The following ATG2A variants were observed in gnomAD, a reference collection of about 807,000 sequenced individuals.
ATG2A encodes autophagy-related protein 2 homolog A.
ATG2A carries 103 observed loss-of-function variants against 214.2 expected under a neutral mutation model. The observed-to-expected ratio is 0.48, with a 90% confidence interval of 0.41 to 0.57. ATG2A has a LOEUF of 0.57. Ranked by LOEUF, ATG2A falls within the 20% of genes least tolerant of loss-of-function variation. The probability of loss-of-function intolerance (pLI) is 0.00; values close to 1 mark genes in which losing one functional copy is unlikely to be tolerated. For missense variants in ATG2A, 2,312 were observed against 2,613.2 expected, an observed-to-expected ratio of 0.88 and a Z score of 2.51; for synonymous variants, 1,160 against 1,142.1, an observed-to-expected ratio of 1.02 and a Z score of -0.32.
intron 29 of ATG2A, 23 bp downstream of exon 29, chr11:64,901,939 G>A: frequency 6.2e-7 from 1 of 1,608,866 alleles, no homozygotes; most frequent in Non-Finnish European, 8.5e-7. Context: ...ACGGCAAACT[G>A]GTCCATCCCT....
chr11:64,897,380 C>A, intron 37 of ATG2A, 32 bp downstream of exon 37: 1 of 1,552,158 alleles, frequency 6.4e-7, no homozygotes, highest in Non-Finnish European at 8.7e-7. Context: ...GATCAGGGAC[C>A]CTGGAGAGAG....
Position 64,897,972 on chromosome 11 carries a change from G to C in ATG2A, c.4861C>G (p.Arg1621Gly). The C allele has an allele frequency of 6.4e-7, 1 of 1,555,808 alleles. No individual in the cohort carries two copies. Among genetic ancestry groups the C allele is most frequent in the Non-Finnish European group, 8.7e-7 (1 of 1,154,116 alleles). ...VVPGETSAEA[R>G]PETRAQPSSP... ...CTGGGCTGGGCTCGAGTCTCGGGGC[G>C]AGCTAGGGGAGGGGAGGTCACAGAC... Residue 1621 changes from arginine to glycine, a missense_variant and splice_region_variant, in exon 35 of 41, where the codon CGC becomes GGC. Transcript: ENST00000377264.
intron 16 of ATG2A, 104 bp downstream of exon 16, chr11:64,908,887 G>A: frequency 1.5e-6 from 2 of 1,346,648 alleles, no homozygotes; most frequent in Non-Finnish European, 2.0e-6. Context: ...CCCACCCCAG[G>A]TGGTCGTGCT....
chr11:64,907,487 G>A (rs774365862), intron 18 of ATG2A, 38 bp downstream of exon 18: 73 of 1,611,388 alleles, frequency 4.5e-5, no homozygotes, highest in Non-Finnish European at 5.6e-5. Context: ...CCAGACCTGG[G>A]GGTCCTCCCT....
In ATG2A at chr11:64,907,976, GTCGTTCA is replaced by G. The variant is rs953058956; in HGVS notation, c.2365-93_2365-87del. 2.3e-5 allele frequency: 33 copies of G among 1,460,112 alleles called. No homozygotes were observed. In the African/African-American group the frequency reaches 3.8e-4, roughly 17 times the overall value. The allele number at this position is 1,460,112 out of a possible 1,614,324, so 90.4% of individuals were successfully genotyped here. A position where few individuals can be genotyped will look rare whatever the true frequency, so the allele number is the denominator to read the frequency against. On this transcript the variant is annotated intron_variant, in intron 16 of 40. Transcript: ENST00000377264. ...TCTCTGGTCTCAGTCCTGCCCTCCT[GTCGTTCA>G]TCATTCATTCATTCATAGGAGCCCT...
In ATG2A at chr11:64,903,626, C is replaced by G; in HGVS notation, c.3499G>C (p.Asp1167His). Residue 1167 changes from aspartate to histidine, a missense_variant, in exon 25 of 41, where the codon GAC becomes CAC. Asp to His is a moderately conservative substitution (Grantham distance 81). Transcript: ENST00000377264. The surrounding 1 kb of genome is among the most constrained non-coding windows in gnomAD (Gnocchi z 4.2). ...TCCAGGGTCTCCACCTCACACTTGT[C>G]GGACAGGTACAAGGCGGAGTCATCG... The part of the protein sequence containing the change: ...ILDDSALYLS[D>H]KCEVETLDLR... 6.5e-7 allele frequency: 1 copy of G among 1,550,062 alleles called. No homozygotes were observed. Among genetic ancestry groups the G allele is most frequent in the Admixed American group, 2.0e-5 (1 of 50,988 alleles).
At chr11:64,912,533 A>G (rs1446041456) in intron 6 of ATG2A, 110 bp from the exon 7 acceptor site, 12 of 877,208 alleles carry the variant, frequency 1.4e-5, no homozygotes, top group Non-Finnish European at 1.9e-5. Flanking sequence ...CTACCAAACT[A>G]AACTCTGTTA....
rs755186237 is a variant in ATG2A, at chr11:64,905,618, C to T, written c.3409G>A (p.Glu1137Lys). Residue 1137 changes from glutamate (E) to lysine (K), a missense_variant, in exon 24 of 41, where the codon GAG becomes AAG. Glu to Lys is a moderately conservative substitution (Grantham distance 56, BLOSUM62 1). Transcript: ENST00000377264. ...ATGTTGCTGGAGAGAGTGAAGGTCT[C>T]CGCGGTGATGAGGACACGCACTGGG... ...YLPVRVLITAETFTLSSNIIM... is the reference protein window; with the variant it reads ...YLPVRVLITAKTFTLSSNIIM... 2.5e-6 allele frequency: 4 copies of T among 1,613,616 alleles called. No individual in the cohort carries two copies. Among genetic ancestry groups the T allele is most frequent in the South Asian group, 2.2e-5 (2 of 91,006 alleles).
chr11:64,909,775 C>T lies in ATG2A; in HGVS notation c.2013G>A (p.Leu671=). The change falls in exon 14 of 41, where the codon CTG becomes CTA. Residue 671 remains leucine (L), a synonymous_variant. Transcript: ENST00000377264. ...GQAVRAEQLR[L]ELSEPQFRSE... Reference sequence around the variant, plus strand: ...ACCGGAACTGGGGCTCACTCAGCTCCAGCCGAAGCTGCTCAGCCCGCACGG... The same window carrying T: ...ACCGGAACTGGGGCTCACTCAGCTCTAGCCGAAGCTGCTCAGCCCGCACGG... 2 of 1,612,760 alleles carry T rather than the reference C, an allele frequency of 1.2e-6. No homozygotes were observed. The highest frequency in any genetic ancestry group is 1.7e-6 in the Non-Finnish European group (2 of 1,179,950).
chr11:64,900,597 G>A lies in ATG2A; in HGVS notation c.4361C>T (p.Ser1454Phe). The A allele has an allele frequency of 6.2e-7, 1 of 1,612,270 alleles. No homozygotes were observed. Among genetic ancestry groups the A allele is most frequent in the Non-Finnish European group, 8.5e-7 (1 of 1,179,396 alleles). The change falls in exon 31 of 41, where the codon TCC becomes TTC. Residue 1454 changes from serine (S) to phenylalanine (F), a missense_variant. By Grantham distance (155) the Ser-to-Phe change is radical (BLOSUM62 -2). Coordinates refer to ENST00000377264, the MANE Select transcript of ATG2A (RefSeq NM_015104.3). ...ARTGLSGPRS[S>F]PSRCSGPNRP... ...GTTGGGGCCAGAGCAGCGGGAAGGG[G>A]AGCTCCTGGGACCTGAGAGGCCAGT... is the stretch of plus-strand genomic sequence containing the variant.
In ATG2A at chr11:64,901,131, G is replaced by A. The variant is rs200915252; in HGVS notation, c.4120-39C>T. 668 of 1,537,762 alleles carry A rather than the reference G, an allele frequency of 4.3e-4. 2 individuals carry two copies. In the African/African-American group the frequency reaches 7.3e-3, roughly 17 times the overall value. On this transcript the variant is annotated intron_variant, in intron 29 of 40. Coordinates refer to ENST00000377264, the MANE Select transcript of ATG2A (RefSeq NM_015104.3). ...AGGTAGACGTGTGACACAGATGTTC[G>A]ATCCAGCCCAGCTGCCCCCAGCCCC... is the stretch of plus-strand genomic sequence containing the variant.
intron 1 of ATG2A, among the ~76,000 whole-genome samples, chr11:64,915,326 T>C (rs751581635): frequency 1.1e-4 from 17 of 151,742 alleles, no homozygotes; most frequent in African/African-American, 1.7e-4. Context: ...AGTAAACTGG[T>C]TGGATCCAAG....
intron 11 of ATG2A, 40 bp downstream of exon 11, chr11:64,910,767 T>C (rs752229184): frequency 6.2e-7 from 1 of 1,610,200 alleles, no homozygotes; most frequent in Non-Finnish European, 8.5e-7. Flanking sequence ...CACCCAAACC[T>C]CCAGACCCCG....
intron 15 of ATG2A, 29 bp from the exon 16 acceptor site, chr11:64,909,179 T>C: frequency 6.2e-7 from 1 of 1,605,864 alleles, no homozygotes; most frequent in Non-Finnish European, 8.5e-7. Context: ...GTTACTGGCC[T>C]GCAGGGCCCC....
At position 64,909,703 on chromosome 11, in the gene ATG2A, T is replaced by C. The variant is rs1399406515; in HGVS notation, c.2085A>G (p.Glu695=). ...CACCATGTAGGTCGGAGCAGGTGAG[T>C]TCCAGGTGGGTGGGGACTGGGGGAC... ...GPGPPVPTHL[E]LTCSDLHGIY... is the part of the protein sequence containing the mutation. The change falls in exon 14 of 41, where the codon GAA becomes GAG. Residue 695 remains glutamate (E), a synonymous_variant. Transcript: ENST00000377264. 6.2e-7 allele frequency: 1 copy of C among 1,613,002 alleles called. No homozygotes were observed. Among genetic ancestry groups the C allele is most frequent in the Admixed American group, 1.7e-5 (1 of 60,014 alleles).
chr11:64,909,558 A>G, intron 14 of ATG2A, 123 bp downstream of exon 14: 1 of 1,503,970 alleles, frequency 6.6e-7, no homozygotes, highest in Non-Finnish European at 8.9e-7. Context: ...GGACCCCAAG[A>G]GCTGGTAAAG....
chr11:64,901,893 G>A, intron 29 of ATG2A, 69 bp downstream of exon 29: 1 of 1,561,348 alleles, frequency 6.4e-7, no homozygotes, highest in Non-Finnish European at 8.7e-7. Flanking sequence ...AACCACCCCT[G>A]AGTGTTCCGT....
At position 64,905,601 on chromosome 11, in the gene ATG2A, G is replaced by A. The variant is rs368724554; in HGVS notation, c.3426C>T (p.Ser1142=). 6.2e-7 allele frequency: 1 copy of A among 1,613,492 alleles called. No individual in the cohort carries two copies. Among genetic ancestry groups the A allele is most frequent in the Non-Finnish European group, 8.5e-7 (1 of 1,179,816 alleles). Residue 1142 remains serine, a synonymous_variant, in exon 24 of 41, where the codon TCC becomes TCT. Transcript: ENST00000377264. The stretch of plus-strand genomic sequence containing the variant: ...TGGAGGTGTCCATGATGATGTTGCT[G>A]GAGAGAGTGAAGGTCTCCGCGGTGA... ...VLITAETFTL[S]SNIIMDTSTF...
In ATG2A at chr11:64,913,821, C is replaced by T. The variant is rs1264187980; in HGVS notation, c.590G>A (p.Arg197Lys). ...RGVAVEVRVQRLEYCDEAVRD... is the reference protein window; with the variant it reads ...RGVAVEVRVQKLEYCDEAVRD... ...CCACCCCAGATCGGCCTGCCCTTAC[C>T]TCTGCACACGGACCTCGACGGCCAC... is the stretch of plus-strand genomic sequence containing the variant. The change falls in exon 4 of 41, where the codon AGA (arginine) becomes AAA (lysine). Residue 197 changes from arginine to lysine, a missense_variant and splice_region_variant. Transcript: ENST00000377264. The surrounding 1 kb of genome is among the most constrained non-coding windows in gnomAD (Gnocchi z 4.3). The T allele has an allele frequency of 5.0e-6, 8 of 1,613,012 alleles. No homozygotes were observed. In the South Asian group the frequency reaches 5.5e-5, roughly 11 times the overall value.
Sources: gnomAD v4.1 joint callset for allele counts (sites outside exome capture counted in the v4.1 genomes callset) on GRCh38, gnomAD v4.1.1 for gene constraint, Gnocchi (gnomAD v3.1) non-coding constraint, MANE v1.5 for transcripts, NCBI Gene and HGNC (gene_info 2026-07-23, HGNC 2026-07-21) for gene names.